The following SNTG1 variants were observed in gnomAD, a reference collection of about 807,000 sequenced individuals.
SNTG1 encodes the protein gamma-1-syntrophin.
In SNTG1, 39 loss-of-function variants were observed where a neutral mutation model predicts 74.7. That is an observed-to-expected ratio of 0.52 (90% CI 0.40 to 0.68). The LOEUF is 0.68. Among genes scored for constraint, SNTG1 ranks in the 30% least tolerant of loss-of-function variants. SNTG1 has a pLI of 0.00. For missense variants in SNTG1, 685 were observed against 609.5 expected (o/e 1.12, Z -1.30); for synonymous variants, 254 against 217.1 (o/e 1.17, Z -1.49).
intron 1 of SNTG1, among the ~76,000 whole-genome samples, chr8:50,097,401 TGTA>T (rs2079966725): frequency 1.3e-5 from 2 of 152,162 alleles, no homozygotes; most frequent in African/African-American, 2.4e-5. Context: ...ATTTCTTTCT[TGTA>T]GTTTTTAGAG....
intron 2 of SNTG1, among the ~76,000 whole-genome samples, chr8:50,249,503 T>A (rs1169988283): frequency 1.3e-5 from 2 of 152,198 alleles, no homozygotes; most frequent in African/African-American, 2.4e-5. Context: ...CTAGAGGAAC[T>A]CTTGCTCAGT....
rs5891361 is a variant in SNTG1, at chr8:50,305,524, A to ATGTGTGTGTGTG, written c.-27-88668_-27-88657dup. Reference sequence around the variant, plus strand: ...GTGGATGTTTGGTTTGTTTGTGCTTATGTGTGTGTGTGTGTGTGTGTGTGT... The same window carrying ATGTGTGTGTGTG: ...GTGGATGTTTGGTTTGTTTGTGCTTATGTGTGTGTGTGTGTGTGTGTGTGTGTGTGTGTGTGT... On this transcript the variant is annotated intron_variant, in intron 2 of 18. Transcript: ENST00000642720. 2.7e-5 allele frequency among the ~76,000 whole-genome samples: 4 copies of ATGTGTGTGTGTG among 146,002 alleles called. No homozygotes were observed. In the Admixed American group the frequency reaches 2.7e-4, roughly 10 times the overall value.
intron 18 of SNTG1, among the ~76,000 whole-genome samples, chr8:50,778,709 TA>T (rs1320112559): frequency 6.9e-6 from 1 of 145,876 alleles, no homozygotes; most frequent in Non-Finnish European, 1.5e-5. Context: ...TTAGTTTAAT[TA>T]GATCCCATTT....
intron 13 of SNTG1, among the ~76,000 whole-genome samples, chr8:50,604,904 C>G (rs184250267): frequency 2.0e-5 from 3 of 152,148 alleles, no homozygotes; most frequent in African/African-American, 7.2e-5. Context: ...CCATGGCATA[C>G]GAACAAGGTA....
chr8:50,592,583 C>T (rs1273868111), intron 13 of SNTG1, among the ~76,000 whole-genome samples: 7 of 152,092 alleles, frequency 4.6e-5, no homozygotes, highest in Non-Finnish European at 1.5e-5. Context: ...GAATAAATCA[C>T]ACATAGAACA....
intron 18 of SNTG1, among the ~76,000 whole-genome samples, chr8:50,767,337 G>A (rs1444743271): frequency 6.6e-6 from 1 of 151,910 alleles, no homozygotes; most frequent in East Asian, 1.9e-4. Context: ...AAATACTGAA[G>A]AAAATCGTGT....
rs184150621 is a variant in SNTG1 at position 50,772,558 on chromosome 8, G to A, written c.1396-20113G>A. On this transcript the variant is annotated intron_variant, in intron 18 of 18. Transcript: ENST00000642720. ...AGAATTTGGACTTTGGGCTTTCAAG[G>A]TGATGCTGGAAAAGTTAAGACCTTT... Among the ~76,000 whole-genome samples, 138 of 152,230 alleles carry A rather than the reference G, an allele frequency of 9.1e-4. 2 individuals are homozygous for A. The highest frequency in any genetic ancestry group is 6.8e-3 in the Middle Eastern group (2 of 294).
chr8:50,330,066 G>T (rs1433504902), intron 2 of SNTG1, among the ~76,000 whole-genome samples: 1 of 152,074 alleles, frequency 6.6e-6, no homozygotes, highest in Non-Finnish European at 1.5e-5. Context: ...CATCTAATAT[G>T]GTTTGGCTGT....
chr8:50,353,150 C>A (rs1464269355), intron 2 of SNTG1, among the ~76,000 whole-genome samples: 1 of 150,704 alleles, frequency 6.6e-6, no homozygotes, highest in Non-Finnish European at 1.5e-5. Context: ...CAAACTATCG[C>A]AAGGACAAAA....
intron 1 of SNTG1, among the ~76,000 whole-genome samples, chr8:50,137,294 GC>G (rs984840641): frequency 2.0e-5 from 3 of 152,102 alleles, no homozygotes; most frequent in African/African-American, 7.2e-5. Context: ...CTTTTAATCT[GC>G]CCATTCATCT....
intron 1 of SNTG1, among the ~76,000 whole-genome samples, chr8:50,116,048 C>G (rs938105648): frequency 1.4e-4 from 22 of 152,128 alleles, no homozygotes; most frequent in African/African-American, 5.3e-4. Flanking sequence ...TTGTTATGCT[C>G]AAGGCACTTT....
intron 1 of SNTG1, among the ~76,000 whole-genome samples, chr8:50,004,028 G>C (rs141975728): frequency 4.1e-4 from 62 of 152,226 alleles, no homozygotes; most frequent in Non-Finnish European, 8.1e-4. Context: ...AAAGGGTGCA[G>C]AGTATGGCAG....
At chr8:50,094,055 T>G (rs968870592) in intron 1 of SNTG1, among the ~76,000 whole-genome samples, 30 of 152,182 alleles carry the variant, frequency 2.0e-4, no homozygotes, top group Admixed American at 1.2e-3. Flanking sequence ...TGAGGCAGTA[T>G]GCGGCTTGAA....
chr8:49,974,769 G>A (rs1005207961), intron 1 of SNTG1, among the ~76,000 whole-genome samples: 3 of 152,068 alleles, frequency 2.0e-5, no homozygotes, highest in African/African-American at 7.2e-5. Flanking sequence ...TCTATAATAA[G>A]TTTTATTGCT....
intron 9 of SNTG1, among the ~76,000 whole-genome samples, chr8:50,510,141 T>C (rs2625744): frequency 0.28 from 41,870 of 152,060 alleles, 7,378 homozygotes; most frequent in African/African-American, 0.5. Context: ...TTGAATTTTG[T>C]CAAAGGCCTT....
intron 17 of SNTG1, among the ~76,000 whole-genome samples, chr8:50,728,252 A>T (rs1290169393): frequency 5.9e-5 from 9 of 152,172 alleles, no homozygotes; most frequent in African/African-American, 1.9e-4. Context: ...CTATATACGA[A>T]GAGGCCATTG....
intron 15 of SNTG1, among the ~76,000 whole-genome samples, chr8:50,672,338 CA>C (rs2095288063): frequency 6.6e-6 from 1 of 152,116 alleles, no homozygotes; most frequent in Non-Finnish European, 1.5e-5. Context: ...ACAGTCTCTC[CA>C]CCATCTATTG....
At chr8:50,262,965 G>T (rs938194656) in intron 2 of SNTG1, among the ~76,000 whole-genome samples, 8 of 152,094 alleles carry the variant, frequency 5.3e-5, no homozygotes, top group Non-Finnish European at 1.2e-4. Context: ...ACAGAAGGGA[G>T]AATTTTTAGT....
chr8:50,561,643 TA>T (rs1418561967), intron 12 of SNTG1, among the ~76,000 whole-genome samples: 1 of 151,992 alleles, frequency 6.6e-6, no homozygotes, highest in African/African-American at 2.4e-5. Flanking sequence ...GATGAGAAAG[TA>T]AAAATCATGA....
Sources: allele counts gnomAD v4.1 joint callset (sites outside exome capture counted in the v4.1 genomes callset), GRCh38; gene constraint gnomAD v4.1.1; transcripts MANE v1.5; gene names NCBI Gene and HGNC (gene_info 2026-07-23, HGNC 2026-07-21).